FAAH2: variants seen among roughly 807,000 people sequenced by gnomAD.
FAAH2 encodes fatty acid amide hydrolase 2.
A neutral mutation model predicts 36.9 loss-of-function variants in FAAH2; 60 were observed. That is an observed-to-expected ratio of 1.63 (90% confidence interval 1.32 to 2.02). The LOEUF (loss-of-function observed/expected upper bound fraction) is 2.02. Ranked by LOEUF, FAAH2 falls within the 30% of genes most tolerant of loss-of-function variation. The pLI is 0.00. For missense variants in FAAH2, 689 were observed against 397.5 expected, an observed-to-expected ratio of 1.73 and a Z score of -6.23; for synonymous variants, 214 against 143.8, an observed-to-expected ratio of 1.49 and a Z score of -3.49.
chrX:57,411,503 G>C (rs1239809777), intron 7 of FAAH2, among the ~76,000 whole-genome samples: 1 of 111,367 alleles, frequency 9.0e-6, no homozygotes. Flanking sequence ...CAATTTTCTT[G>C]GTGGAGTCCA....
intron 10 of FAAH2, among the ~76,000 whole-genome samples, chrX:57,470,673 G>C (rs1026263996): frequency 9.0e-6 from 1 of 111,341 alleles, no homozygotes; most frequent in African/African-American, 3.3e-5. Flanking sequence ...GAGGTACAAG[G>C]AGGAGCTGGT....
At chrX:57,433,265 AG>A (rs1346782294) in intron 8 of FAAH2, among the ~76,000 whole-genome samples, 1 of 110,523 alleles carries the variant, frequency 9.0e-6, no homozygotes, top group East Asian at 2.8e-4. Context: ...AAAGAAAAAG[AG>A]GGGGGAAAAA....
intron 8 of FAAH2, among the ~76,000 whole-genome samples, chrX:57,437,787 A>G (rs2056441123): frequency 9.8e-6 from 1 of 102,215 alleles, no homozygotes; most frequent in Admixed American, 1.1e-4. Context: ...TATATTATAT[A>G]TTAAATATGT....
chrX:57,259,669 T>C, the FAAH2 span, among the ~76,000 whole-genome samples: 542 of 111,917 alleles, frequency 4.8e-3, 3 homozygotes, highest in African/African-American at 0.017. Flanking sequence ...GCTAACAGAG[T>C]AAATCTTAAG....
At chrX:57,217,143 G>T in the FAAH2 span, among the ~76,000 whole-genome samples, 2 of 109,411 alleles carry the variant, frequency 1.8e-5, no homozygotes, top group East Asian at 5.8e-4. Context: ...TTTCCTTACT[G>T]ATTTGTTTGA....
the FAAH2 span, among the ~76,000 whole-genome samples, chrX:57,235,457 A>G: frequency 1.8e-5 from 2 of 111,631 alleles, no homozygotes; most frequent in African/African-American, 3.3e-5. Flanking sequence ...TAATACTATC[A>G]TCAAAACTGA....
chrX:57,233,462 C>CA, the FAAH2 span, among the ~76,000 whole-genome samples: 2 of 110,477 alleles, frequency 1.8e-5, no homozygotes, highest in African/African-American at 6.6e-5. Context: ...CAAATTGCAA[C>CA]ATTGTAAAGG....
the FAAH2 span, among the ~76,000 whole-genome samples, chrX:57,246,926 G>A: frequency 2.7e-5 from 3 of 111,829 alleles, no homozygotes; most frequent in African/African-American, 9.7e-5. Flanking sequence ...AATACTGTCA[G>A]TGTGGCTGAA....
chrX:57,136,317 T>TAGAC, the FAAH2 span: 1 of 1,149,741 alleles, frequency 8.7e-7, no homozygotes, highest in African/African-American at 2.2e-5. Context: ...TTCCAGTCCA[T>TAGAC]AGACACAGTC....
At chrX:57,300,332 A>T (rs2146837333) in intron 2 of FAAH2, among the ~76,000 whole-genome samples, 1 of 111,905 alleles carries the variant, frequency 8.9e-6, no homozygotes, top group African/African-American at 3.2e-5. Context: ...TCTTTGACAA[A>T]CCTGACAAAA....
intron 10 of FAAH2, chrX:57,452,447 A>G (rs2056801771): frequency 5.2e-6 from 2 of 381,678 alleles, no homozygotes; most frequent in Admixed American, 9.2e-5. Context: ...GGGCTTGGTC[A>G]CCTCCCCAAT....
At chrX:57,246,970 T>C in the FAAH2 span, among the ~76,000 whole-genome samples, 4 of 111,895 alleles carry the variant, frequency 3.6e-5, no homozygotes, top group African/African-American at 1.3e-4. Flanking sequence ...CAAATCCATA[T>C]GGCTAGGTAT....
intron 7 of FAAH2, among the ~76,000 whole-genome samples, chrX:57,396,379 T>TG (rs1392895899): frequency 3.7e-5 from 4 of 109,203 alleles, no homozygotes; most frequent in African/African-American, 1.3e-4. Flanking sequence ...TTTAGTGTTT[T>TG]TTTTTTTTTT....
chrX:57,158,700 T>A, the FAAH2 span, among the ~76,000 whole-genome samples: 1 of 112,233 alleles, frequency 8.9e-6, no homozygotes, highest in Non-Finnish European at 1.9e-5. Flanking sequence ...GGGTTGTTTT[T>A]TTCTTGTAAA....
chrX:57,144,124 T>C, the FAAH2 span, among the ~76,000 whole-genome samples: 17 of 112,196 alleles, frequency 1.5e-4, no homozygotes, highest in African/African-American at 5.2e-4. Flanking sequence ...GCACTTTCAA[T>C]ATGTCATCCT....
chrX:57,357,246 G>C lies in FAAH2; in HGVS notation c.742+15856G>C, dbSNP rs763672784. On this transcript the variant is annotated intron_variant, in intron 5 of 10. Coordinates refer to ENST00000374900, the MANE Select transcript of FAAH2 (RefSeq NM_174912.4). Reference sequence around the variant, plus strand: ...CATGAAAACCCTAGAAGAAAACCTAGGCAATACCATTCAGGACATAGGCAT... The same window carrying C: ...CATGAAAACCCTAGAAGAAAACCTACGCAATACCATTCAGGACATAGGCAT... 1.1e-4 allele frequency among the ~76,000 whole-genome samples: 12 copies of C among 111,257 alleles called. No individual in the cohort carries two copies. In the South Asian group the frequency reaches 4.1e-3, roughly 38 times the overall value.
Position 57,341,267 on chromosome X carries a change from G to T in FAAH2, c.623-4G>T, listed in dbSNP as rs1465644081. 8.3e-7 allele frequency: 1 copy of T among 1,200,270 alleles called. No individual in the cohort carries two copies. The highest frequency in any genetic ancestry group is 1.1e-6 in the Non-Finnish European group (1 of 890,766). On this transcript the variant is annotated splice_region_variant and splice_polypyrimidine_tract_variant and intron_variant, in intron 4 of 10. Coordinates refer to ENST00000374900, the MANE Select transcript of FAAH2 (RefSeq NM_174912.4). ...TATTTGCAAGTATTTTGTGTTTCTTGTAGGTGGTGAGGGCTGCACACTGGC... is the reference window on the plus strand; with the variant it reads ...TATTTGCAAGTATTTTGTGTTTCTTTTAGGTGGTGAGGGCTGCACACTGGC...
the FAAH2 span, among the ~76,000 whole-genome samples, chrX:57,262,934 A>G: frequency 9.0e-6 from 1 of 111,459 alleles, no homozygotes; most frequent in African/African-American, 3.3e-5. Context: ...AAACTCTCAG[A>G]AAAATCAGAA....
At chrX:57,480,725 T>A (rs763304355) in intron 10 of FAAH2, among the ~76,000 whole-genome samples, 1 of 111,119 alleles carries the variant, frequency 9.0e-6, no homozygotes, top group East Asian at 2.8e-4. Flanking sequence ...TTGGGGTTGC[T>A]CTTCTTGAGG....
Sources: gnomAD v4.1 joint callset for allele counts (sites outside exome capture counted in the v4.1 genomes callset) on GRCh38, gnomAD v4.1.1 for gene constraint, MANE v1.5 for transcripts, NCBI Gene and HGNC (gene_info 2026-07-23, HGNC 2026-07-21) for gene names.